The following FAM193A variants were observed in gnomAD, a reference collection of about 807,000 sequenced individuals.
The protein encoded by FAM193A is family with sequence similarity 193 member A, also known as protein FAM193A.
A neutral mutation model predicts 126.5 loss-of-function variants in FAM193A; 22 were observed. The observed-to-expected ratio is 0.17, with a 90% confidence interval of 0.12 to 0.25. The LOEUF is 0.25. Among genes scored for constraint, FAM193A ranks in the 10% least tolerant of loss-of-function variants. The pLI, the probability that FAM193A is intolerant of heterozygous loss-of-function variation, is 1.00. For missense variants in FAM193A, 1,675 were observed against 1,672.8 expected, an observed-to-expected ratio of 1.00 and a Z score of -0.02; for synonymous variants, 761 against 646.8, an observed-to-expected ratio of 1.18 and a Z score of -2.68.
At chr4:2,711,466 A>G (rs1289903660) in intron 19 of FAM193A, among the ~76,000 whole-genome samples, 2 of 151,250 alleles carry the variant, frequency 1.3e-5, no homozygotes, top group African/African-American at 4.9e-5. Context: ...CAGCCTCCCG[A>G]GTAGCTGGGA....
intron 6 of FAM193A, among the ~76,000 whole-genome samples, chr4:2,642,996 A>G (rs1469071499): frequency 6.6e-6 from 1 of 152,040 alleles, no homozygotes; most frequent in African/African-American, 2.4e-5. Flanking sequence ...CTCATTGGGT[A>G]TGATGGTCAG....
chr4:2,590,487 AAAAAAAAAC>A (rs1322697715), intron 1 of FAM193A, among the ~76,000 whole-genome samples: 4 of 80,536 alleles, frequency 5.0e-5, no homozygotes, highest in African/African-American at 2.8e-4. Context: ...AAAAAAAAAC[AAAAAAAAAC>A]AAAAAAAAAC....
chr4:2,641,542 C>T (rs949916119), intron 6 of FAM193A, among the ~76,000 whole-genome samples: 2 of 152,110 alleles, frequency 1.3e-5, no homozygotes, highest in Non-Finnish European at 2.9e-5. Context: ...GTAGTCCCAG[C>T]TACTTGGGAG....
At chr4:2,588,656 A>G (rs1293896774) in intron 1 of FAM193A, among the ~76,000 whole-genome samples, 1 of 152,104 alleles carries the variant, frequency 6.6e-6, no homozygotes, top group Non-Finnish European at 1.5e-5. Flanking sequence ...TACCTATTCC[A>G]TGTGTTGTCT....
At chr4:2,675,118 C>A (rs774598366) in intron 13 of FAM193A, among the ~76,000 whole-genome samples, 1 of 152,026 alleles carries the variant, frequency 6.6e-6, no homozygotes, top group Non-Finnish European at 1.5e-5. Context: ...AGTGTATAAT[C>A]TCTGGTTTTT....
intron 2 of FAM193A, among the ~76,000 whole-genome samples, chr4:2,620,701 T>TA (rs1267731474): frequency 7.2e-6 from 1 of 138,244 alleles, no homozygotes; most frequent in African/African-American, 2.5e-5. Flanking sequence ...ATACAAAAAT[T>TA]AGCCAGGGGT....
intron 1 of FAM193A, among the ~76,000 whole-genome samples, chr4:2,574,689 C>G (rs1483465615): frequency 5.9e-5 from 9 of 152,106 alleles, no homozygotes; most frequent in African/African-American, 1.7e-4. Flanking sequence ...TATGTCTAAC[C>G]TGCCTTAAAT....
At chr4:2,551,794 C>G (rs1357297360) in intron 1 of FAM193A, among the ~76,000 whole-genome samples, 2 of 150,970 alleles carry the variant, frequency 1.3e-5, no homozygotes, top group Non-Finnish European at 2.9e-5. Context: ...TTTTTAAACA[C>G]TTTGCCTTAT....
At chr4:2,579,491 C>A (rs942916674) in intron 1 of FAM193A, among the ~76,000 whole-genome samples, 2 of 151,982 alleles carry the variant, frequency 1.3e-5, no homozygotes, top group Non-Finnish European at 2.9e-5. Context: ...TAAACCCAGG[C>A]GTTGGAGACC....
chr4:2,591,416 C>T (rs560511031), intron 1 of FAM193A, among the ~76,000 whole-genome samples: 1 of 152,154 alleles, frequency 6.6e-6, no homozygotes, highest in African/African-American at 2.4e-5. Context: ...ATGTTCTGGT[C>T]ATAGGTACAG....
intron 12 of FAM193A, among the ~76,000 whole-genome samples, chr4:2,671,585 G>C (rs147195369): frequency 6.6e-6 from 1 of 152,170 alleles, no homozygotes; most frequent in Non-Finnish European, 1.5e-5. Context: ...TAAATGTGTC[G>C]CGGTATTTTC....
At chr4:2,586,243 T>C (rs1386739469) in intron 1 of FAM193A, among the ~76,000 whole-genome samples, 2 of 136,460 alleles carry the variant, frequency 1.5e-5, no homozygotes, top group African/African-American at 5.3e-5. Context: ...AAACTCCGTC[T>C]CAAAAAAAAA....
intron 8 of FAM193A, 111 bp downstream of exon 8, chr4:2,657,991 T>C (rs1399235561): frequency 1.1e-5 from 8 of 741,218 alleles, no homozygotes; most frequent in Middle Eastern, 2.4e-4. Context: ...GAGGACCACA[T>C]TGGCATGTTT....
At chr4:2,577,972 T>G (rs1309685131) in intron 1 of FAM193A, among the ~76,000 whole-genome samples, 1 of 152,240 alleles carries the variant, frequency 6.6e-6, no homozygotes, top group Non-Finnish European at 1.5e-5. Flanking sequence ...GCACGTATTA[T>G]GTACTGGTTA....
intron 13 of FAM193A, among the ~76,000 whole-genome samples, chr4:2,683,133 T>G (rs1420104516): frequency 1.3e-5 from 2 of 152,180 alleles, no homozygotes; most frequent in Non-Finnish European, 2.9e-5. Context: ...GTTTTTTTCT[T>G]TGAACACTTT....
chr4:2,696,063 T>A (rs1397871968), intron 17 of FAM193A, among the ~76,000 whole-genome samples: 1 of 126,582 alleles, frequency 7.9e-6, no homozygotes, highest in Non-Finnish European at 1.8e-5. Flanking sequence ...TAAAATACAT[T>A]AATCAGGATT....
chr4:2,540,419 G>A (rs927769446), intron 1 of FAM193A, among the ~76,000 whole-genome samples: 3 of 152,142 alleles, frequency 2.0e-5, no homozygotes, highest in Non-Finnish European at 4.4e-5. Context: ...AGTGAGCCGA[G>A]ATGGCGCCAC....
intron 1 of FAM193A, among the ~76,000 whole-genome samples, chr4:2,554,345 A>G (rs1239283786): frequency 6.6e-6 from 1 of 152,096 alleles, no homozygotes; most frequent in African/African-American, 2.4e-5. Flanking sequence ...AGCCTCCCAA[A>G]GTGCTGGGAT....
At chr4:2,555,749 C>G (rs1738215545) in intron 1 of FAM193A, among the ~76,000 whole-genome samples, 1 of 151,980 alleles carries the variant, frequency 6.6e-6, no homozygotes, top group Non-Finnish European at 1.5e-5. Context: ...TCCGGAGTAG[C>G]TGGGACTACA....
Sources: allele counts gnomAD v4.1 joint callset (sites outside exome capture counted in the v4.1 genomes callset), GRCh38; gene constraint gnomAD v4.1.1; transcripts MANE v1.5; gene names NCBI Gene and HGNC (gene_info 2026-07-23, HGNC 2026-07-21).